CACNA2D3: variants seen among roughly 807,000 people sequenced by gnomAD.
The protein encoded by CACNA2D3 is voltage-dependent calcium channel subunit alpha-2/delta-3.
In CACNA2D3, 60 loss-of-function variants were observed where a neutral mutation model predicts 160.6. That is an observed-to-expected ratio of 0.37 (90% CI 0.30 to 0.46). The LOEUF is 0.46. Among genes scored for constraint, CACNA2D3 ranks in the 20% least tolerant of loss-of-function variants. The pLI is 1.00. For synonymous variants in CACNA2D3, 558 were observed against 492.9 expected (o/e 1.13, Z -1.75); for missense variants, 1,205 against 1,365.0 (o/e 0.88, Z 1.85).
chr3:54,854,977 C>T (rs1223401016), intron 17 of CACNA2D3, among the ~76,000 whole-genome samples: 1 of 152,136 alleles, frequency 6.6e-6, no homozygotes, highest in African/African-American at 2.4e-5. Flanking sequence ...GTATTTTCTT[C>T]ATAAAATTAA....
chr3:54,418,231 G>A (rs1416501882), intron 4 of CACNA2D3, among the ~76,000 whole-genome samples: 1 of 152,264 alleles, frequency 6.6e-6, no homozygotes, highest in East Asian at 1.9e-4. Context: ...TTAAGCCTTT[G>A]CTTTGACTTA....
intron 3 of CACNA2D3, among the ~76,000 whole-genome samples, chr3:54,356,355 T>G (rs1055143926): frequency 6.6e-6 from 1 of 152,186 alleles, no homozygotes; most frequent in Non-Finnish European, 1.5e-5. Flanking sequence ...GTCTTTCAGC[T>G]TTGCTTTTTC....
At chr3:54,946,022 T>C (rs1443339781) in intron 27 of CACNA2D3, among the ~76,000 whole-genome samples, 1 of 152,076 alleles carries the variant, frequency 6.6e-6, no homozygotes, top group Non-Finnish European at 1.5e-5. Context: ...GGAAAACGAG[T>C]ACCCTGCCTC....
chr3:54,515,321 A>G (rs1016364879), intron 5 of CACNA2D3, among the ~76,000 whole-genome samples: 5 of 152,136 alleles, frequency 3.3e-5, no homozygotes, highest in African/African-American at 1.2e-4. Flanking sequence ...CCTTCTGTTC[A>G]GTTTGAATAT....
intron 35 of CACNA2D3, among the ~76,000 whole-genome samples, chr3:55,027,807 G>A (rs1020954241): frequency 6.6e-5 from 10 of 152,252 alleles, no homozygotes; most frequent in African/African-American, 2.4e-4. Context: ...ATACAGAACC[G>A]TGTCCATTAC....
intron 11 of CACNA2D3, among the ~76,000 whole-genome samples, chr3:54,695,685 A>T (rs969056842): frequency 6.6e-6 from 1 of 152,224 alleles, no homozygotes; most frequent in Non-Finnish European, 1.5e-5. Context: ...TTCATTACCA[A>T]TAAGATTTTA....
chr3:54,691,953 G>A (rs1262087525), intron 11 of CACNA2D3, among the ~76,000 whole-genome samples: 2 of 151,882 alleles, frequency 1.3e-5, no homozygotes, highest in African/African-American at 4.9e-5. Context: ...CTGATAACTA[G>A]TTAAAGTAAT....
intron 27 of CACNA2D3, among the ~76,000 whole-genome samples, chr3:54,907,922 A>AT (rs1417614022): frequency 6.6e-6 from 1 of 152,152 alleles, no homozygotes; most frequent in African/African-American, 2.4e-5. Flanking sequence ...TTAAATTGCC[A>AT]TATAATATTC....
chr3:54,386,015 G>T (rs1699181364), intron 3 of CACNA2D3: 1 of 493,316 alleles, frequency 2.0e-6, no homozygotes, highest in African/African-American at 2.0e-5. Context: ...AAATGATTTT[G>T]ATTGTTGACT....
At position 54,689,010 on chromosome 3, in the gene CACNA2D3, A is replaced by AGAGAG. The variant is rs368785187; in HGVS notation, c.1167+46769_1167+46770insGAGAG. ...AAAAAAAAAAAAAAAAAAAAAAAAA[A>AGAGAG]AGAATGAGGTTGTATACATAAAGCA... is the stretch of plus-strand genomic sequence containing the variant. On this transcript the variant is annotated intron_variant, in intron 11 of 37. Transcript: ENST00000474759. Among the ~76,000 whole-genome samples, 23 of 85,490 alleles carry AGAGAG rather than the reference A, an allele frequency of 2.7e-4. 2 individuals are homozygous for AGAGAG. Among genetic ancestry groups the AGAGAG allele is most frequent in the Admixed American group, 6.1e-4 (4 of 6,582 alleles). 56.1% of individuals were successfully genotyped at this position (85,490 alleles called of 152,430 possible).
chr3:54,938,615 A>G (rs965585370), intron 27 of CACNA2D3, among the ~76,000 whole-genome samples: 3 of 151,526 alleles, frequency 2.0e-5, no homozygotes, highest in Non-Finnish European at 4.4e-5. Flanking sequence ...AAGCCCCCTT[A>G]GTTACCCCCA....
intron 29 of CACNA2D3, among the ~76,000 whole-genome samples, chr3:54,977,170 A>G (rs1702409214): frequency 6.6e-6 from 1 of 152,332 alleles, no homozygotes; most frequent in South Asian, 2.1e-4. Context: ...TTTTCTCAGA[A>G]TGACCACAAA....
intron 11 of CACNA2D3, among the ~76,000 whole-genome samples, chr3:54,700,205 G>A (rs908477972): frequency 2.0e-5 from 3 of 152,188 alleles, no homozygotes; most frequent in East Asian, 1.9e-4. Context: ...TCACCTTCAC[G>A]ACTCATGGAA....
At chr3:54,200,728 A>C (rs1701162473) in intron 2 of CACNA2D3, among the ~76,000 whole-genome samples, 1 of 152,192 alleles carries the variant, frequency 6.6e-6, no homozygotes, top group Non-Finnish European at 1.5e-5. Context: ...TGCAGGGAGA[A>C]CTGTTCTAGG....
intron 5 of CACNA2D3, among the ~76,000 whole-genome samples, chr3:54,535,293 C>T (rs981171496): frequency 1.3e-5 from 2 of 152,196 alleles, no homozygotes; most frequent in Non-Finnish European, 2.9e-5. Flanking sequence ...GATTCTGATG[C>T]ATTTTAAAAT....
intron 4 of CACNA2D3, among the ~76,000 whole-genome samples, chr3:54,410,742 G>A (rs1470778692): frequency 6.6e-6 from 1 of 152,146 alleles, no homozygotes. Flanking sequence ...GCCTGCTAAC[G>A]CAACATCCGT....
intron 4 of CACNA2D3, among the ~76,000 whole-genome samples, chr3:54,406,176 C>A (rs1344308829): frequency 6.6e-6 from 1 of 152,058 alleles, no homozygotes; most frequent in Non-Finnish European, 1.5e-5. Context: ...CTGTATGACC[C>A]AGAAATTGCT....
At chr3:54,761,945 A>G (rs572979870) in intron 12 of CACNA2D3, among the ~76,000 whole-genome samples, 21 of 152,250 alleles carry the variant, frequency 1.4e-4, no homozygotes, top group Admixed American at 5.2e-4. Flanking sequence ...CCTGAGCCCT[A>G]TTTTAGTCAC....
chr3:54,859,899 G>A (rs1180205505), intron 17 of CACNA2D3, among the ~76,000 whole-genome samples: 5 of 149,762 alleles, frequency 3.3e-5, no homozygotes, highest in Non-Finnish European at 7.4e-5. Context: ...ATCAAGGTAG[G>A]CAATTCACCC....
Sources: allele counts gnomAD v4.1 joint callset (sites outside exome capture counted in the v4.1 genomes callset), GRCh38; gene constraint gnomAD v4.1.1; transcripts MANE v1.5; gene names NCBI Gene and HGNC (gene_info 2026-07-23, HGNC 2026-07-21).